SAP30BP: variants seen among roughly 807,000 people sequenced by gnomAD.
The protein encoded by SAP30BP is SAP30 binding protein, also known as SAP30-binding protein.
A neutral mutation model predicts 46.3 loss-of-function variants in SAP30BP; 31 were observed. The observed-to-expected ratio is 0.67, with a 90% CI of 0.50 to 0.90. The LOEUF (loss-of-function observed/expected upper bound fraction) is 0.90, where lower values mean the gene tolerates loss of function less well. Ranked by LOEUF, SAP30BP falls within the 40% of genes least tolerant of loss-of-function variation. The pLI, the probability that SAP30BP is intolerant of heterozygous loss-of-function variation, is 0.00. For missense variants in SAP30BP, 312 were observed against 391.0 expected (o/e 0.80, Z 1.70); for synonymous variants, 169 against 144.2 (o/e 1.17, Z -1.23).
chr17:75,678,439 A>G (rs988927446), intron 3 of SAP30BP, among the ~76,000 whole-genome samples: 1 of 148,320 alleles, frequency 6.7e-6, no homozygotes, highest in Non-Finnish European at 1.5e-5. Context: ...AAAGTCTGAC[A>G]CGTTCAACAC....
At chr17:75,702,107 C>G (rs1054645805) in intron 5 of SAP30BP, among the ~76,000 whole-genome samples, 1 of 152,202 alleles carries the variant, frequency 6.6e-6, no homozygotes, top group African/African-American at 2.4e-5. Context: ...ACTGCAACCT[C>G]CACCTCCCAG....
At chr17:75,685,265 A>ACCTCT (rs2060140001) in intron 3 of SAP30BP, among the ~76,000 whole-genome samples, 1 of 152,154 alleles carries the variant, frequency 6.6e-6, no homozygotes, top group Non-Finnish European at 1.5e-5. Flanking sequence ...TATATGATAC[A>ACCTCT]GAGGACTGCC....
rs1279173981 is a variant in SAP30BP at position 75,691,341 on chromosome 17, T to A, written c.265-2099T>A. The A allele has an allele frequency of 2.1e-5, 9 of 433,904 alleles. No individual in the cohort carries two copies. The Admixed American group carries it at 2.5e-4, about 12-fold the overall frequency. The allele number at this position is 433,904 out of a possible 1,614,324, so 26.9% of individuals were successfully genotyped here. Reference sequence around the variant, plus strand: ...GCCAACCTAAAGGAAAAAAATAAAATAAAGGGATAAAATACTTCCTGTGAT... The same window carrying A: ...GCCAACCTAAAGGAAAAAAATAAAAAAAAGGGATAAAATACTTCCTGTGAT... On this transcript the variant is annotated intron_variant, in intron 3 of 10. Coordinates refer to ENST00000584667, the MANE Select transcript of SAP30BP (RefSeq NM_013260.8).
intron 3 of SAP30BP, among the ~76,000 whole-genome samples, chr17:75,685,878 G>A (rs2060148895): frequency 6.6e-6 from 1 of 152,178 alleles, no homozygotes; most frequent in Admixed American, 6.5e-5. Context: ...AAGACAAAAA[G>A]GGAATGGCCC....
Position 75,668,614 on chromosome 17 carries a change from A to T in SAP30BP, c.205A>T (p.Ser69Cys), listed in dbSNP as rs753568357. Residue 69 changes from serine to cysteine, a missense_variant, in exon 2 of 11, where the codon AGT (serine) becomes TGT (cysteine). Physicochemically the swap from Ser to Cys is moderately radical, Grantham distance 112 (BLOSUM62 -1). Transcript: ENST00000584667. The stretch of plus-strand genomic sequence containing the variant: ...TTATGAAGAAGAAGAAGATGAGAAC[A>T]GTAGACAGTCGGTAGGTAAATCTCC... ...DGYEEEEDEN[S>C]RQSEDDDSET... The T allele has an allele frequency of 4.4e-6, 7 of 1,593,510 alleles. No individual in the cohort carries two copies. The East Asian group carries it at 1.3e-4, about 31-fold the overall frequency.
rs1568292774 is a variant in SAP30BP at position 75,667,490 on chromosome 17, G to C, written c.106+12G>C. 12 of 1,612,914 alleles carry C rather than the reference G, an allele frequency of 7.4e-6. No homozygotes were observed. Among genetic ancestry groups the C allele is most frequent in the Non-Finnish European group, 1.0e-5 (12 of 1,179,208 alleles). ...GGGCAGCGCGGCTGGTAAGGCCCAA[G>C]TGCGAAGCTGGAAGGGGGAATCGGG... is the stretch of plus-strand genomic sequence containing the variant. On this transcript the variant is annotated intron_variant, in intron 1 of 10. Transcript: ENST00000584667.
chr17:75,706,662 A>T lies in SAP30BP; in HGVS notation c.*141A>T, dbSNP rs780292747. The T allele has an allele frequency of 6.5e-6, 5 of 768,366 alleles. No homozygotes were observed. The highest frequency in any genetic ancestry group is 8.4e-6 in the Non-Finnish European group (4 of 477,884). The allele number at this position is 768,366 out of a possible 1,614,324, so 47.6% of individuals were successfully genotyped here. A position where few individuals can be genotyped will look rare whatever the true frequency, so the allele number is the denominator to read the frequency against. On this transcript the variant is annotated 3_prime_UTR_variant, in exon 11 of 11. Coordinates refer to ENST00000584667, the MANE Select transcript of SAP30BP (RefSeq NM_013260.8). This position sits in a 1 kb window ranked among gnomAD's most constrained non-coding sequence, Gnocchi z 4.6. ...GAGGAGCTTCTGTTTGGCATTCCAG[A>T]TGGAAGGACAGGCAGCACGGGAGCC...
chr17:75,687,921 T>G (rs3071628), intron 3 of SAP30BP, among the ~76,000 whole-genome samples: 166 of 90,382 alleles, frequency 1.8e-3, no homozygotes, highest in Non-Finnish European at 3.1e-3. Context: ...GTTTGGGGTG[T>G]GTGTGTGTGT....
intron 3 of SAP30BP, 163 bp from the exon 4 acceptor site, chr17:75,693,277 G>C: frequency 1.7e-6 from 1 of 600,480 alleles, no homozygotes; most frequent in Non-Finnish European, 3.0e-6. Context: ...AGGGTTCGGA[G>C]GCTCGGGGGT....
At position 75,706,590 on chromosome 17, in the gene SAP30BP, A is replaced by C. The variant is rs977715382; in HGVS notation, c.*69A>C. 1 of 1,431,142 alleles carries C rather than the reference A, an allele frequency of 7.0e-7. No homozygotes were observed. Among genetic ancestry groups the C allele is most frequent in the Non-Finnish European group, 9.7e-7 (1 of 1,029,954 alleles). 88.7% of individuals were successfully genotyped at this position (1,431,142 alleles called of 1,614,324 possible). A position where few individuals can be genotyped will look rare whatever the true frequency, so the allele number is the denominator to read the frequency against. ...TGACCACTGCCCAGTGGGAGGCGCC[A>C]CTTTGTATATTTCAGGACTGGGACC... is the stretch of plus-strand genomic sequence containing the variant. On this transcript the variant is annotated 3_prime_UTR_variant, in exon 11 of 11. Coordinates refer to ENST00000584667, the MANE Select transcript of SAP30BP (RefSeq NM_013260.8). This position sits in a 1 kb window ranked among gnomAD's most constrained non-coding sequence, Gnocchi z 4.6.
intron 1 of SAP30BP, 97 bp downstream of exon 1, chr17:75,667,575 C>T: frequency 9.0e-7 from 1 of 1,113,118 alleles, no homozygotes; most frequent in East Asian, 2.4e-5. Flanking sequence ...TCATTGTGCT[C>T]CAAGCACCGG....
rs777092910 is a variant in SAP30BP at position 75,667,525 on chromosome 17, G to A, written c.106+47G>A. On this transcript the variant is annotated intron_variant, in intron 1 of 10. Transcript: ENST00000584667. ...GGAAGGGGGAATCGGGTGTCTGCCCGGAATGCTGTACCCTCGCTGGGCGGG... is the reference window on the plus strand; with the variant it reads ...GGAAGGGGGAATCGGGTGTCTGCCCAGAATGCTGTACCCTCGCTGGGCGGG... 10 of 1,550,180 alleles carry A rather than the reference G, an allele frequency of 6.5e-6. 1 individual carries two copies. The highest frequency in any genetic ancestry group is 8.0e-6 in the Non-Finnish European group (9 of 1,123,888).
At chr17:75,687,917 GGTGTGT>G (rs68006166) in intron 3 of SAP30BP, among the ~76,000 whole-genome samples, 2 of 120,260 alleles carry the variant, frequency 1.7e-5, no homozygotes, top group African/African-American at 6.1e-5. Context: ...CAGTGTTTGG[GGTGTGT>G]GTGTGTGTGT....
At chr17:75,672,117 C>T in intron 3 of SAP30BP, 1 of 480,898 alleles carries the variant, frequency 2.1e-6, no homozygotes, top group South Asian at 2.3e-5. Flanking sequence ...AGAGGCCTGG[C>T]TGAGGCCAAC....
At chr17:75,681,565 C>T (rs1191119083) in intron 3 of SAP30BP, among the ~76,000 whole-genome samples, 1 of 152,190 alleles carries the variant, frequency 6.6e-6, no homozygotes, top group African/African-American at 2.4e-5. Flanking sequence ...TGAAAACTGC[C>T]TAAGGGGCTA....
At position 75,668,476 on chromosome 17, in the gene SAP30BP, T is replaced by C. The variant is rs952007763; in HGVS notation, c.107-40T>C. The C allele has an allele frequency of 4.6e-5, 59 of 1,294,082 alleles. 1 individual carries two copies. In the South Asian group the frequency reaches 6.7e-4, roughly 15 times the overall value. The allele number at this position is 1,294,082 out of a possible 1,614,324, so 80.2% of individuals were successfully genotyped here. ...TACATTGTAACTCTTGTTTTTTTTTTCTTGCTTTTTGTTTGTTTGTTTGTT... is the reference window on the plus strand; with the variant it reads ...TACATTGTAACTCTTGTTTTTTTTTCCTTGCTTTTTGTTTGTTTGTTTGTT... On this transcript the variant is annotated intron_variant, in intron 1 of 10. Transcript: ENST00000584667.
intron 4 of SAP30BP, among the ~76,000 whole-genome samples, chr17:75,696,558 AAAAG>A (rs1266458673): frequency 3.3e-5 from 5 of 151,622 alleles, no homozygotes; most frequent in South Asian, 2.1e-4. Context: ...AAAAAAAAAA[AAAAG>A]AAAAGAAACA....
chr17:75,667,549 G>C, intron 1 of SAP30BP, 71 bp downstream of exon 1: 1 of 1,414,674 alleles, frequency 7.1e-7, no homozygotes, highest in South Asian at 1.2e-5. Flanking sequence ...TCGCTGGGCG[G>C]GAGGGAACAA....
At chr17:75,668,479 T>C (rs745637744) in intron 1 of SAP30BP, 37 bp from the exon 2 acceptor site, 19 of 1,316,198 alleles carry the variant, frequency 1.4e-5, no homozygotes, top group African/African-American at 4.5e-5. Flanking sequence ...TTTTTTTTCT[T>C]GCTTTTTGTT....
Sources: allele counts gnomAD v4.1 joint callset (sites outside exome capture counted in the v4.1 genomes callset), GRCh38; gene constraint gnomAD v4.1.1; non-coding constraint Gnocchi (gnomAD v3.1); transcripts MANE v1.5; gene names NCBI Gene and HGNC (gene_info 2026-07-23, HGNC 2026-07-21).